UNC13D: variants seen among roughly 807,000 people sequenced by gnomAD.
UNC13D encodes protein unc-13 homolog D.
In UNC13D, 115 loss-of-function variants were observed where a neutral mutation model predicts 151.7. The observed-to-expected ratio is 0.76, with a 90% CI of 0.65 to 0.88. The LOEUF (loss-of-function observed/expected upper bound fraction) is 0.88. UNC13D is among the 40% of genes least tolerant of loss of function. The pLI is 0.00. For synonymous variants in UNC13D, 588 were observed against 612.2 expected (o/e 0.96, Z 0.58); for missense variants, 1,369 against 1,438.7 (o/e 0.95, Z 0.78).
At chr17:75,835,215 G>A in intron 20 of UNC13D, 152 bp from the exon 21 acceptor site, 2 of 1,443,622 alleles carry the variant, frequency 1.4e-6, no homozygotes, top group Non-Finnish European at 1.9e-6. Flanking sequence ...CCAGGCTGCA[G>A]GATCTCAGGC....
At chr17:75,828,120 G>T (rs940263645) in intron 31 of UNC13D, 34 bp from the exon 32 acceptor site, 1 of 1,565,496 alleles carries the variant, frequency 6.4e-7, no homozygotes, top group Non-Finnish European at 8.7e-7. Flanking sequence ...TCAGATGCCA[G>T]GGGAGAGGGC....
chr17:75,831,173 G>A lies in UNC13D; in HGVS notation c.2554-4C>T. The A allele has an allele frequency of 3.1e-6, 5 of 1,614,068 alleles. No homozygotes were observed. Among genetic ancestry groups the A allele is most frequent in the Non-Finnish European group, 4.2e-6 (5 of 1,180,034 alleles). On this transcript the variant is annotated splice_polypyrimidine_tract_variant and splice_region_variant and intron_variant, in intron 26 of 31. Coordinates refer to ENST00000207549, the MANE Select transcript of UNC13D (RefSeq NM_199242.3). Reference sequence around the variant, plus strand: ...CGTGGAAGCAGATCTCCAGGTTCTGGGGGAGATATCAGAGGTGACCCCAGG... The same window carrying A: ...CGTGGAAGCAGATCTCCAGGTTCTGAGGGAGATATCAGAGGTGACCCCAGG...
At chr17:75,837,815 G>C (rs1371363086) in intron 12 of UNC13D, among the ~76,000 whole-genome samples, 1 of 151,900 alleles carries the variant, frequency 6.6e-6, no homozygotes, top group Non-Finnish European at 1.5e-5. Context: ...TCGTGCACAT[G>C]TGGCAAGCAT....
rs1272359274 is a variant in UNC13D at position 75,836,812 on chromosome 17, T to G, written c.1162A>C (p.Lys388Gln). ...CACTGCATGCCTACCTGTTCTGCCT[T>G]GAGCCGACCCTGGATCCACTGGTAC... ...IEYQWIQGRL[K>Q]AEQQEELAAS... Residue 388 changes from lysine to glutamine, a missense_variant, in exon 13 of 32, where the codon AAG becomes CAG. Physicochemically the swap from Lys to Gln is moderately conservative, Grantham distance 53 (BLOSUM62 1). This residue lies in a region of UNC13D where 550 missense variants were observed against 609.0 expected (regional missense o/e 0.90). Coordinates refer to ENST00000207549, the MANE Select transcript of UNC13D (RefSeq NM_199242.3). 4 of 1,613,844 alleles carry G rather than the reference T, an allele frequency of 2.5e-6. No individual in the cohort carries two copies. The highest frequency in any genetic ancestry group is 3.4e-6 in the Non-Finnish European group (4 of 1,180,040).
Position 75,835,463 on chromosome 17 carries a change from C to A in UNC13D, c.1794G>T (p.Gln598His), listed in dbSNP as rs1384674477. 6.2e-7 allele frequency: 1 copy of A among 1,612,978 alleles called. No homozygotes were observed. The highest frequency in any genetic ancestry group is 2.2e-5 in the East Asian group (1 of 44,846). The change falls in exon 20 of 32, where the codon CAG (glutamine) becomes CAT (histidine). Residue 598 changes from glutamine to histidine, a missense_variant. Physicochemically the swap from Gln to His is conservative, Grantham distance 24. Coordinates refer to ENST00000207549, the MANE Select transcript of UNC13D (RefSeq NM_199242.3). ...GCGCCAGGGCCTCGTTGTACGTCTT[C>A]TGCAGCCAGGAGGGGATGGCCGGCT... ...WFQPAIPSWL[Q>H]KTYNEALARV...
chr17:75,840,481 T>C lies in UNC13D; in HGVS notation c.753+26A>G. 1 of 1,582,920 alleles carries C rather than the reference T, an allele frequency of 6.3e-7. No homozygotes were observed. Among genetic ancestry groups the C allele is most frequent in the Non-Finnish European group, 8.7e-7 (1 of 1,154,782 alleles). On this transcript the variant is annotated intron_variant, in intron 9 of 31. Coordinates refer to ENST00000207549, the MANE Select transcript of UNC13D (RefSeq NM_199242.3). This position sits in a 1 kb window ranked among gnomAD's most constrained non-coding sequence, Gnocchi z 4.6. ...CAACCCCCTCCCTCTGCCTCGCTCC[T>C]GGGCCCCTTTCCTCATCCTCCTCAC... is the stretch of plus-strand genomic sequence containing the variant.
rs889317033 is a variant in UNC13D at position 75,830,059 on chromosome 17, G to A, written c.2923C>T (p.Leu975Phe). The A allele has an allele frequency of 5.1e-6, 8 of 1,577,244 alleles. No homozygotes were observed. The highest frequency in any genetic ancestry group is 6.9e-6 in the Non-Finnish European group (8 of 1,161,268). The change falls in exon 30 of 32, where the codon CTT becomes TTT. Residue 975 changes from leucine (L) to phenylalanine (F), a missense_variant. Leu to Phe is a conservative substitution (Grantham distance 22, BLOSUM62 0). Transcript: ENST00000207549. ...AAGGTCTCATCAAACAATGGGTGAA[G>A]GTCCTTCTTGTGCTTCTGGGTCTCC... The part of the protein sequence containing the change: ...ARETQKHKKD[L>F]HPLFDETFEF...
In UNC13D at chr17:75,836,245, A is replaced by G; in HGVS notation, c.1401T>C (p.Thr467=). ...LVTEALQTGT[T]EWFHLKQQHH... is the part of the protein sequence containing the mutation. ...GCTGCTGCTTCAGGTGGAACCATTC[A>G]GTGGTGCCAGTCTGTCGACAAAGAG... The change falls in exon 16 of 32, where the codon ACT becomes ACC. Residue 467 remains threonine (T), a synonymous_variant. Coordinates refer to ENST00000207549, the MANE Select transcript of UNC13D (RefSeq NM_199242.3). The G allele has an allele frequency of 1.2e-6, 2 of 1,612,578 alleles. No individual in the cohort carries two copies. Among genetic ancestry groups the G allele is most frequent in the South Asian group, 1.1e-5 (1 of 90,904 alleles).
intron 12 of UNC13D, among the ~76,000 whole-genome samples, 165 bp from the exon 13 acceptor site, chr17:75,837,083 T>G (rs1253992460): frequency 6.6e-6 from 1 of 151,672 alleles, no homozygotes; most frequent in Non-Finnish European, 1.5e-5. Context: ...TTTTTTTTTT[T>G]GAGATGTAGT....
In UNC13D at chr17:75,831,315, TGTGA is replaced by T. The variant is rs1446025324; in HGVS notation, c.2477_2480del (p.Leu826GlnfsTer20). 50 of 1,613,234 alleles carry T rather than the reference TGTGA, an allele frequency of 3.1e-5. No homozygotes were observed. The highest frequency in any genetic ancestry group is 4.0e-5 in the Non-Finnish European group (47 of 1,180,020). On this transcript the variant is annotated frameshift_variant, in exon 26 of 32. Coordinates refer to ENST00000207549, the MANE Select transcript of UNC13D (RefSeq NM_199242.3). LOFTEE classifies it high-confidence loss of function. ...GGGAGGCGGCCGCCTCCACCAGCAC[TGTGA>T]GTGTGTGGGTCCAGAGCAGGGTCAG...
chr17:75,834,210 G>A, intron 23 of UNC13D, 67 bp from the exon 24 acceptor site: 1 of 1,602,674 alleles, frequency 6.2e-7, no homozygotes. Context: ...AGTTCCTTAG[G>A]GCCTGAGTTT....
intron 12 of UNC13D, among the ~76,000 whole-genome samples, chr17:75,839,049 A>G (rs1025550783): frequency 2.6e-5 from 4 of 152,108 alleles, no homozygotes; most frequent in African/African-American, 9.6e-5. Flanking sequence ...GCAGTGAGCC[A>G]AGATCGTGCC....
chr17:75,843,522 G>C lies in UNC13D; in HGVS notation c.118-3C>G. The C allele has an allele frequency of 1.2e-6, 2 of 1,611,544 alleles. No homozygotes were observed. Among genetic ancestry groups the C allele is most frequent in the Non-Finnish European group, 1.7e-6 (2 of 1,179,396 alleles). On this transcript the variant is annotated splice_region_variant and splice_polypyrimidine_tract_variant and intron_variant, in intron 1 of 31. Transcript: ENST00000207549. ...AAGTGGTGGGATGGAGGCTGGATCT[G>C]CAGAGCAAGGTGGAAAGGCAGTGTC...
At position 75,832,909 on chromosome 17, in the gene UNC13D, G is replaced by T. The variant is rs1198216001; in HGVS notation, c.2447+57C>A. On this transcript the variant is annotated intron_variant, in intron 25 of 31. Coordinates refer to ENST00000207549, the MANE Select transcript of UNC13D (RefSeq NM_199242.3). This position sits in a 1 kb window ranked among gnomAD's most constrained non-coding sequence, Gnocchi z 4.3. ...GGATGCTGGGGCCCAGGAAGGAGGG[G>T]CCGTGGGAGGAGAGGGGGAGGTGGC... 6.6e-7 allele frequency: 1 copy of T among 1,511,366 alleles called. No homozygotes were observed. The highest frequency in any genetic ancestry group is 1.4e-5 in the African/African-American group (1 of 72,730). The allele number at this position is 1,511,366 out of a possible 1,614,324, so 93.6% of individuals were successfully genotyped here. A position where few individuals can be genotyped will look rare whatever the true frequency, so the allele number is the denominator to read the frequency against.
rs140068109 is a variant in UNC13D at position 75,843,705 on chromosome 17, G to A, written c.118-186C>T. On this transcript the variant is annotated intron_variant, in intron 1 of 31. Coordinates refer to ENST00000207549, the MANE Select transcript of UNC13D (RefSeq NM_199242.3). The stretch of plus-strand genomic sequence containing the variant: ...CTCCTGGAGGTCCGTCCCTGGGCCC[G>A]CCGTGGCTGAGGTCCATGGGTGCCC... 3,568 of 1,453,846 alleles carry A rather than the reference G, an allele frequency of 2.5e-3. 9 individuals are homozygous for A. Among genetic ancestry groups the A allele is most frequent in the Non-Finnish European group, 3.0e-3 (3,306 of 1,105,184 alleles). 90.1% of individuals were successfully genotyped at this position (1,453,846 alleles called of 1,614,324 possible). A position where few individuals can be genotyped will look rare whatever the true frequency, so the allele number is the denominator to read the frequency against.
chr17:75,837,932 C>CA (rs1251876518), intron 12 of UNC13D, among the ~76,000 whole-genome samples: 1 of 152,086 alleles, frequency 6.6e-6, no homozygotes, highest in Non-Finnish European at 1.5e-5. Flanking sequence ...GGCCGAAGTC[C>CA]CTATTGGACA....
Position 75,834,541 on chromosome 17 carries a change from A to T in UNC13D, c.2092-10T>A. On this transcript the variant is annotated splice_polypyrimidine_tract_variant and intron_variant, in intron 22 of 31. Transcript: ENST00000207549. The stretch of plus-strand genomic sequence containing the variant: ...TCACCACCACACACAGCTGGGACAG[A>T]GATGCAGAGCTTCCTGAACTGTGCC... 1 of 1,602,062 alleles carries T rather than the reference A, an allele frequency of 6.2e-7. No homozygotes were observed. The highest frequency in any genetic ancestry group is 8.5e-7 in the Non-Finnish European group (1 of 1,174,176).
chr17:75,842,379 C>A, intron 6 of UNC13D, 54 bp downstream of exon 6: 1 of 1,577,402 alleles, frequency 6.3e-7, no homozygotes. Context: ...TGGGGCAGAC[C>A]CTGCTACCCA....
chr17:75,843,865 C>T (rs931845123), intron 1 of UNC13D: 27 of 1,369,862 alleles, frequency 2.0e-5, no homozygotes, highest in Admixed American at 3.1e-5. Flanking sequence ...GGGGGTGCCA[C>T]GTCGGCCTGG....
Sources: gnomAD v4.1 joint callset for allele counts (sites outside exome capture counted in the v4.1 genomes callset) on GRCh38, gnomAD v4.1.1 for gene constraint, gnomAD v4.1.1 regional missense constraint, Gnocchi (gnomAD v3.1) non-coding constraint, MANE v1.5 for transcripts, NCBI Gene and HGNC (gene_info 2026-07-23, HGNC 2026-07-21) for gene names.